ANXA8: variants seen among roughly 807,000 people sequenced by gnomAD.
ANXA8 encodes the protein annexin A8.
In ANXA8, 9 loss-of-function variants were observed where a neutral mutation model predicts 26.8. The ratio of observed to expected loss-of-function variants is 0.34; its 90% CI spans 0.20 to 0.59. The LOEUF is 0.59. Ranked by LOEUF, ANXA8 falls within the 20% of genes least tolerant of loss-of-function variation. ANXA8 has a pLI of 0.84. For synonymous variants in ANXA8, 39 were observed against 94.8 expected (o/e 0.41, Z 3.42); for missense variants, 83 against 238.5 (o/e 0.35, Z 4.29).
chr10:47,946,845 A>T, the ANXA8 span, among the ~76,000 whole-genome samples: 1 of 150,904 alleles, frequency 6.6e-6, no homozygotes, highest in Non-Finnish European at 1.5e-5. Context: ...GGCATGTGCC[A>T]CCAAGCCCAG....
chr10:47,697,008 C>T, the ANXA8 span, among the ~76,000 whole-genome samples: 1 of 151,726 alleles, frequency 6.6e-6, no homozygotes, highest in Non-Finnish European at 1.5e-5. Context: ...CTAAGAAAAG[C>T]TATCTTTCTT....
the ANXA8 span, among the ~76,000 whole-genome samples, chr10:47,576,772 A>G: frequency 1.2e-4 from 18 of 149,734 alleles, no homozygotes; most frequent in African/African-American, 2.0e-4. Flanking sequence ...CTCCCACCTC[A>G]GCCTCCCAAA....
the ANXA8 span, among the ~76,000 whole-genome samples, chr10:47,554,109 A>AT: frequency 6.0e-3 from 785 of 130,224 alleles, 22 homozygotes; most frequent in African/African-American, 0.021. Context: ...ACATCTCTCA[A>AT]AAAATAAATA....
chr10:47,614,088 T>C, the ANXA8 span, among the ~76,000 whole-genome samples: 2 of 74,702 alleles, frequency 2.7e-5, 1 homozygote, highest in African/African-American at 7.7e-5. Flanking sequence ...TGAATTTGAA[T>C]ATCTTTATGT....
chr10:47,647,696 T>C, the ANXA8 span, among the ~76,000 whole-genome samples: 1 of 148,746 alleles, frequency 6.7e-6, no homozygotes, highest in Non-Finnish European at 1.5e-5. Flanking sequence ...ATAAAGTCAC[T>C]GAAGCAAAAT....
chr10:47,672,691 A>G, the ANXA8 span, among the ~76,000 whole-genome samples: 1 of 151,926 alleles, frequency 6.6e-6, no homozygotes, highest in African/African-American at 2.4e-5. Flanking sequence ...GGTGACTGAG[A>G]TCTGGTCAAT....
the ANXA8 span, chr10:47,507,615 A>T: frequency 6.5e-7 from 1 of 1,530,236 alleles, no homozygotes; most frequent in Non-Finnish European, 8.8e-7. Flanking sequence ...ATAACAATAG[A>T]TGTTATCATT....
chr10:47,554,506 C>A, the ANXA8 span, among the ~76,000 whole-genome samples: 1 of 150,772 alleles, frequency 6.6e-6, no homozygotes, highest in African/African-American at 2.5e-5. Flanking sequence ...GGGATCCACC[C>A]ATTGCCACCT....
chr10:47,755,082 G>A, the ANXA8 span, among the ~76,000 whole-genome samples: 3 of 145,786 alleles, frequency 2.1e-5, no homozygotes, highest in Admixed American at 6.9e-5. Flanking sequence ...TCAGCCTCCC[G>A]AGTAGTTGGG....
At chr10:47,982,043 C>T in the ANXA8 span, among the ~76,000 whole-genome samples, 4 of 150,542 alleles carry the variant, frequency 2.7e-5, no homozygotes, top group Non-Finnish European at 5.9e-5. Flanking sequence ...AATGCCAGCA[C>T]TTTGGGAGGC....
chr10:47,483,888 A>C (rs2132438978), intron 1 of ANXA8, 25 bp downstream of exon 1: 1 of 1,611,698 alleles, frequency 6.2e-7, no homozygotes, highest in South Asian at 1.1e-5. Flanking sequence ...GCAGGAACCC[A>C]AATCTCCTGC....
At chr10:47,757,283 CGTT>C in the ANXA8 span, 2 of 396,460 alleles carry the variant, frequency 5.0e-6, no homozygotes, top group Non-Finnish European at 3.1e-6. Context: ...CTCAGGTAGT[CGTT>C]GTAGCTGAGG....
the ANXA8 span, among the ~76,000 whole-genome samples, chr10:47,724,287 A>G: frequency 2.2e-3 from 304 of 136,024 alleles, 4 homozygotes; most frequent in African/African-American, 7.9e-3. Context: ...GCACACCAGC[A>G]GTCTCTTGGT....
chr10:47,552,078 A>C, the ANXA8 span: 3 of 180,848 alleles, frequency 1.7e-5, no homozygotes, highest in African/African-American at 2.4e-5. Context: ...TCACTGAACA[A>C]GGGTAGAAAC....
the ANXA8 span, among the ~76,000 whole-genome samples, chr10:47,615,048 TATTTA>T: frequency 2.3e-3 from 152 of 67,250 alleles, 21 homozygotes; most frequent in African/African-American, 6.3e-3. Flanking sequence ...TACATAAATC[TATTTA>T]ATTTTTTCTC....
the ANXA8 span, among the ~76,000 whole-genome samples, chr10:47,492,316 T>G: frequency 1.4e-5 from 2 of 147,696 alleles, no homozygotes; most frequent in Non-Finnish European, 3.0e-5. Flanking sequence ...TCACCTGGTG[T>G]CGCTCAGCTG....
chr10:47,928,869 C>T, the ANXA8 span, among the ~76,000 whole-genome samples: 5 of 115,978 alleles, frequency 4.3e-5, no homozygotes, highest in Admixed American at 4.6e-4. Flanking sequence ...ATCATCTCAC[C>T]TCAGCCTCTT....
the ANXA8 span, chr10:47,956,176 T>C: frequency 3.8e-5 from 2 of 52,720 alleles, no homozygotes; most frequent in East Asian, 8.7e-4. Context: ...TGCCTGAGGA[T>C]GTGTTACATT....
chr10:47,607,241 A>G, the ANXA8 span, among the ~76,000 whole-genome samples: 1 of 142,132 alleles, frequency 7.0e-6, no homozygotes, highest in African/African-American at 2.8e-5. Flanking sequence ...TAGTCATATT[A>G]TATACATATG....
Sources: gnomAD v4.1 joint callset for allele counts (sites outside exome capture counted in the v4.1 genomes callset) on GRCh38, gnomAD v4.1.1 for gene constraint, MANE v1.5 for transcripts, NCBI Gene and HGNC (gene_info 2026-07-23, HGNC 2026-07-21) for gene names.